The following EHBP1 variants were observed in gnomAD, a reference collection of about 807,000 sequenced individuals.
EHBP1 encodes the protein EH domain-binding protein 1.
EHBP1 carries 55 observed loss-of-function variants against 144.0 expected under a neutral mutation model. The ratio of observed to expected loss-of-function variants is 0.38; its 90% CI spans 0.31 to 0.48. The LOEUF (loss-of-function observed/expected upper bound fraction) is 0.48. EHBP1 is among the 20% of genes least tolerant of loss of function. The probability of loss-of-function intolerance (pLI) is 0.98; values close to 1 mark genes in which losing one functional copy is unlikely to be tolerated. For synonymous variants in EHBP1, 469 were observed against 472.7 expected (o/e 0.99, Z 0.10); for missense variants, 1,200 against 1,364.2 (o/e 0.88, Z 1.90).
intron 19 of EHBP1, among the ~76,000 whole-genome samples, chr2:63,013,292 T>C (rs191231515): frequency 1.3e-4 from 20 of 152,332 alleles, no homozygotes; most frequent in Admixed American, 3.9e-4. Context: ...CTACTTTAGG[T>C]TCTGACTCTC....
intron 7 of EHBP1, among the ~76,000 whole-genome samples, chr2:62,855,264 G>A (rs1262509988): frequency 6.6e-6 from 1 of 152,196 alleles, no homozygotes; most frequent in East Asian, 1.9e-4. Flanking sequence ...CCGGCCAGGT[G>A]TGCACATGCT....
At chr2:62,763,487 C>T (rs574275267) in intron 3 of EHBP1, among the ~76,000 whole-genome samples, 1 of 152,286 alleles carries the variant, frequency 6.6e-6, no homozygotes, top group East Asian at 1.9e-4. Flanking sequence ...TGGACCGGCA[C>T]ATAGAAAGTA....
intron 1 of EHBP1, among the ~76,000 whole-genome samples, chr2:62,692,113 T>C (rs892863649): frequency 6.6e-6 from 1 of 152,240 alleles, no homozygotes; most frequent in Non-Finnish European, 1.5e-5. Context: ...GGACATTTCA[T>C]ATAAAAGTAA....
intron 19 of EHBP1, among the ~76,000 whole-genome samples, chr2:63,029,639 A>G (rs897619635): frequency 2.0e-5 from 3 of 152,126 alleles, no homozygotes; most frequent in East Asian, 1.9e-4. Flanking sequence ...ACCATTATCC[A>G]TATAGAGATG....
At chr2:62,710,347 A>G (rs1027882660) in intron 2 of EHBP1, among the ~76,000 whole-genome samples, 1 of 151,988 alleles carries the variant, frequency 6.6e-6, no homozygotes, top group Non-Finnish European at 1.5e-5. Flanking sequence ...ATGTATATAT[A>G]TGAACATATT....
intron 7 of EHBP1, among the ~76,000 whole-genome samples, chr2:62,835,963 G>A (rs1174275966): frequency 4.6e-5 from 7 of 151,642 alleles, no homozygotes; most frequent in South Asian, 4.2e-4. Context: ...AAAGCGGCCC[G>A]GAAGCTCGAA....
intron 10 of EHBP1, among the ~76,000 whole-genome samples, chr2:62,920,064 A>G (rs2054948256): frequency 6.6e-6 from 1 of 152,196 alleles, no homozygotes; most frequent in Non-Finnish European, 1.5e-5. Context: ...GAGAGATAAT[A>G]TTTGAAGAGA....
intron 1 of EHBP1, among the ~76,000 whole-genome samples, chr2:62,696,400 G>C (rs1162784774): frequency 1.3e-5 from 2 of 150,324 alleles, no homozygotes; most frequent in East Asian, 2.0e-4. Flanking sequence ...ACCCACCTTG[G>C]CCTCCCAAAA....
At chr2:62,846,618 A>G (rs1467591855) in intron 7 of EHBP1, among the ~76,000 whole-genome samples, 1 of 152,186 alleles carries the variant, frequency 6.6e-6, no homozygotes, top group East Asian at 1.9e-4. Context: ...TCAACATTAT[A>G]TTTGAAGTTC....
At chr2:62,808,391 A>G (rs1316383532) in intron 5 of EHBP1, among the ~76,000 whole-genome samples, 1 of 151,912 alleles carries the variant, frequency 6.6e-6, no homozygotes, top group Non-Finnish European at 1.5e-5. Context: ...CTCTTTGCCA[A>G]GCAGTGTCTA....
At chr2:62,728,919 A>T (rs540077726) in intron 2 of EHBP1, among the ~76,000 whole-genome samples, 1 of 151,644 alleles carries the variant, frequency 6.6e-6, no homozygotes, top group East Asian at 1.9e-4. Flanking sequence ...TCTATAATCT[A>T]TTTTGAGTTA....
intron 7 of EHBP1, among the ~76,000 whole-genome samples, chr2:62,839,381 TATC>T (rs2047595610): frequency 2.2e-5 from 3 of 134,246 alleles, no homozygotes; most frequent in South Asian, 5.5e-4. Flanking sequence ...CCACAGCCAA[TATC>T]ATACTGAATG....
At chr2:62,900,702 A>ATATATATATATATATATATATATATATT (rs2053342279) in intron 10 of EHBP1, among the ~76,000 whole-genome samples, 1 of 149,878 alleles carries the variant, frequency 6.7e-6, no homozygotes, top group African/African-American at 2.5e-5. Flanking sequence ...ATATATATAT[A>ATATATATATATATATATATATATATATT]TTTTCTTTCT....
chr2:63,013,369 T>C (rs2060349118), intron 19 of EHBP1, among the ~76,000 whole-genome samples: 1 of 152,138 alleles, frequency 6.6e-6, no homozygotes, highest in South Asian at 2.1e-4. Context: ...AGGTATGCAT[T>C]AAGATTCACA....
intron 19 of EHBP1, among the ~76,000 whole-genome samples, chr2:63,033,778 G>T (rs2153352865): frequency 6.6e-6 from 1 of 152,150 alleles, no homozygotes; most frequent in East Asian, 1.9e-4. Flanking sequence ...TAATAACTTT[G>T]AAGATTTCTT....
chr2:62,999,090 A>G (rs2059750721), intron 19 of EHBP1, among the ~76,000 whole-genome samples: 1 of 152,126 alleles, frequency 6.6e-6, no homozygotes, highest in Non-Finnish European at 1.5e-5. Flanking sequence ...AGCAGAGCAG[A>G]TAGTACCCAT....
intron 10 of EHBP1, among the ~76,000 whole-genome samples, chr2:62,931,453 C>T (rs1340070295): frequency 2.0e-5 from 3 of 152,106 alleles, no homozygotes; most frequent in Admixed American, 6.5e-5. Context: ...TAAAATGATA[C>T]AGTGCTGTGG....
intron 2 of EHBP1, among the ~76,000 whole-genome samples, chr2:62,725,851 C>T (rs2036729407): frequency 6.6e-6 from 1 of 152,094 alleles, no homozygotes; most frequent in Non-Finnish European, 1.5e-5. Flanking sequence ...GGGGAGGAAG[C>T]AGGTAGGCTG....
Position 63,027,612 on chromosome 2 carries a change from G to A in EHBP1, c.3104-9923G>A, listed in dbSNP as rs572176639. On this transcript the variant is annotated intron_variant, in intron 19 of 22. Transcript: ENST00000431489. Reference sequence around the variant, plus strand: ...GTGGTTTGAGAACAAATGTGGGTGCGGACTGCAAGTGGGGAAGCATAATTC... The same window carrying A: ...GTGGTTTGAGAACAAATGTGGGTGCAGACTGCAAGTGGGGAAGCATAATTC... 6.6e-5 allele frequency among the ~76,000 whole-genome samples: 10 copies of A among 152,208 alleles called. No homozygotes were observed. The South Asian group carries it at 2.1e-3, about 32-fold the overall frequency.
Sources: allele counts gnomAD v4.1 joint callset (sites outside exome capture counted in the v4.1 genomes callset), GRCh38; gene constraint gnomAD v4.1.1; transcripts MANE v1.5; gene names NCBI Gene and HGNC (gene_info 2026-07-23, HGNC 2026-07-21).